Variants in RFX3 observed in about 807,000 individuals in gnomAD.
RFX3 encodes regulatory factor X3.
Under a neutral mutation model 98.6 loss-of-function variants are expected in RFX3, and 14 were observed. The observed-to-expected ratio is 0.14, with a 90% CI of 0.09 to 0.22. The LOEUF (loss-of-function observed/expected upper bound fraction) is 0.22. RFX3 is among the 10% of genes least tolerant of loss of function. The probability of loss-of-function intolerance (pLI) is 1.00; values close to 1 mark genes in which losing one functional copy is unlikely to be tolerated. For missense variants in RFX3, 639 were observed against 926.9 expected (o/e 0.69, Z 4.03); for synonymous variants, 383 against 328.4 (o/e 1.17, Z -1.80).
intron 1 of RFX3, among the ~76,000 whole-genome samples, chr9:3,467,089 CAT>C (rs1229938905): frequency 1.5e-5 from 2 of 135,010 alleles, no homozygotes; most frequent in Non-Finnish European, 3.1e-5. Flanking sequence ...TATATACATA[CAT>C]ATATGTAAGT....
At chr9:3,274,575 A>G (rs1383945729) in intron 9 of RFX3, among the ~76,000 whole-genome samples, 1 of 152,196 alleles carries the variant, frequency 6.6e-6, no homozygotes, top group Non-Finnish European at 1.5e-5. Flanking sequence ...GTAGGGCTAG[A>G]AAACACCAAA....
chr9:3,250,269 C>A (rs1821210501), intron 14 of RFX3, among the ~76,000 whole-genome samples: 1 of 151,872 alleles, frequency 6.6e-6, no homozygotes. Context: ...AGAATATTTG[C>A]TCCTAATTGC....
At chr9:3,400,378 C>T (rs2132016808) in intron 1 of RFX3, 1 of 178,436 alleles carries the variant, frequency 5.6e-6, no homozygotes, top group South Asian at 1.9e-4. Context: ...TTCCATCAAG[C>T]CTCCAGCTGT....
intron 4 of RFX3, among the ~76,000 whole-genome samples, chr9:3,318,211 T>A: frequency 6.6e-6 from 1 of 152,326 alleles, no homozygotes; most frequent in East Asian, 1.9e-4. Context: ...GATGAGTTCA[T>A]GTCCTTTGTA....
chr9:3,318,516 T>A (rs1256554939), intron 4 of RFX3, among the ~76,000 whole-genome samples: 1 of 139,038 alleles, frequency 7.2e-6, no homozygotes, highest in Non-Finnish European at 1.6e-5. Context: ...GAAATTAAAG[T>A]AAAATAATAA....
chr9:3,346,729 A>G lies in RFX3; in HGVS notation c.153T>C (p.His51=). Residue 51 remains histidine, a synonymous_variant, in exon 3 of 17, where the codon CAT becomes CAC. Transcript: ENST00000617270. ...QQVQTVQQVQ[H]VYPAQVQYVE... is the part of the protein sequence containing the mutation. ...CATACTGCACCTGAGCGGGATAGAC[A>G]TGTTGTACCTGCTGCACAGTCTGTA... 3.1e-6 allele frequency: 5 copies of G among 1,613,756 alleles called. No individual in the cohort carries two copies. In the South Asian group the frequency reaches 4.4e-5, roughly 14 times the overall value.
chr9:3,344,721 T>G (rs536994079), intron 3 of RFX3: 2 of 592,680 alleles, frequency 3.4e-6, no homozygotes, highest in African/African-American at 1.9e-5. Flanking sequence ...AAATGACAAC[T>G]GACAACTGGG....
intron 15 of RFX3, among the ~76,000 whole-genome samples, chr9:3,242,394 C>A (rs653080): frequency 2.6e-5 from 4 of 151,844 alleles, no homozygotes; most frequent in African/African-American, 9.7e-5. Flanking sequence ...AGCCACTACT[C>A]TTCCATGATT....
intron 1 of RFX3, among the ~76,000 whole-genome samples, chr9:3,445,708 G>A (rs1418595445): frequency 2.0e-5 from 3 of 152,090 alleles, no homozygotes; most frequent in African/African-American, 7.2e-5. Flanking sequence ...GAGGCAAAGT[G>A]TAAACTTGTC....
chr9:3,360,561 T>C (rs1836301849), intron 2 of RFX3, among the ~76,000 whole-genome samples: 1 of 152,294 alleles, frequency 6.6e-6, no homozygotes, highest in South Asian at 2.1e-4. Flanking sequence ...ATGATGTATT[T>C]ACATTCATAA....
chr9:3,305,620 T>C (rs3012694), intron 4 of RFX3, among the ~76,000 whole-genome samples: 35,861 of 151,934 alleles, frequency 0.24, 6,462 homozygotes, highest in African/African-American at 0.51. Flanking sequence ...GATTAACTAG[T>C]TGCATGATTC....
chr9:3,345,160 C>A (rs1834318385), intron 3 of RFX3, among the ~76,000 whole-genome samples: 1 of 152,076 alleles, frequency 6.6e-6, no homozygotes, highest in Non-Finnish European at 1.5e-5. Flanking sequence ...GAAGGAGAGT[C>A]AGGGTCCATG....
rs1817266359 is a variant in RFX3, at chr9:3,220,200, T to A, written c.*4842A>T. ...TTCGCAAACAATATTTTATGAGCGA[T>A]CTAACTCCAAATAGCCTAACTGCCC... On this transcript the variant is annotated 3_prime_UTR_variant, in exon 17 of 17. Coordinates refer to ENST00000617270, the MANE Select transcript of RFX3 (RefSeq NM_001282116.2). 1 of 152,186 alleles carries A rather than the reference T, an allele frequency of 6.6e-6. No homozygotes were observed. The highest frequency in any genetic ancestry group is 1.5e-5 in the Non-Finnish European group (1 of 68,030). The allele number at this position is 152,186 out of a possible 1,614,324, so 9.4% of individuals were successfully genotyped here. A position where few individuals can be genotyped will look rare whatever the true frequency, so the allele number is the denominator to read the frequency against.
intron 2 of RFX3, among the ~76,000 whole-genome samples, chr9:3,383,004 G>T (rs1048926855): frequency 1.3e-5 from 2 of 151,928 alleles, no homozygotes; most frequent in African/African-American, 4.8e-5. Flanking sequence ...ATCACTTTTT[G>T]AACTTATTTC....
intron 1 of RFX3, among the ~76,000 whole-genome samples, chr9:3,454,029 T>C (rs532991820): frequency 1.3e-5 from 2 of 152,266 alleles, no homozygotes; most frequent in African/African-American, 2.4e-5. Context: ...TATAAATATA[T>C]TAGCTGTTTA....
chr9:3,387,444 A>G (rs1839841941), intron 2 of RFX3, among the ~76,000 whole-genome samples: 1 of 152,140 alleles, frequency 6.6e-6, no homozygotes, highest in African/African-American at 2.4e-5. Flanking sequence ...TAGAGCTCTC[A>G]TTTTTTAACT....
At chr9:3,455,097 A>G (rs1314485988) in intron 1 of RFX3, among the ~76,000 whole-genome samples, 1 of 152,200 alleles carries the variant, frequency 6.6e-6, no homozygotes, top group Non-Finnish European at 1.5e-5. Context: ...CCCACACCGT[A>G]GCCAGAAATA....
intron 15 of RFX3, among the ~76,000 whole-genome samples, chr9:3,231,148 T>C (rs2130696264): frequency 6.6e-6 from 1 of 152,324 alleles, no homozygotes; most frequent in East Asian, 1.9e-4. Flanking sequence ...ACAAAGAATG[T>C]CAGAGACACT....
chr9:3,270,458 T>C lies in RFX3; in HGVS notation c.1270A>G (p.Ile424Val). 1.2e-6 allele frequency: 2 copies of C among 1,613,860 alleles called. No individual in the cohort carries two copies. The highest frequency in any genetic ancestry group is 1.7e-6 in the Non-Finnish European group (2 of 1,179,812). Reference sequence around the variant, plus strand: ...TCACAGTTACACATCCATTTCAGGATAGACTCATGTTTGCACAGAGTTATC... The same window carrying C: ...TCACAGTTACACATCCATTTCAGGACAGACTCATGTTTGCACAGAGTTATC... ...KLITLCKHES[I>V]LKWMCNCDHG... Residue 424 changes from isoleucine to valine, a missense_variant, in exon 11 of 17, where the codon ATC becomes GTC. Ile to Val is a conservative substitution (Grantham distance 29). Around this residue, in one of 9 missense-constraint regions of RFX3, gnomAD observed 138 missense variants for 308.9 expected, o/e 0.45. Transcript: ENST00000617270.
Sources: gnomAD v4.1 joint callset for allele counts (sites outside exome capture counted in the v4.1 genomes callset) on GRCh38, gnomAD v4.1.1 for gene constraint, gnomAD v4.1.1 regional missense constraint, MANE v1.5 for transcripts, NCBI Gene and HGNC (gene_info 2026-07-23, HGNC 2026-07-21) for gene names.